TMEM52B: variants seen among roughly 807,000 people sequenced by gnomAD.
The protein encoded by TMEM52B is transmembrane protein 52B.
A neutral mutation model predicts 16.1 loss-of-function variants in TMEM52B; 11 were observed. The observed-to-expected ratio is 0.68, with a 90% confidence interval of 0.43 to 1.13. The LOEUF is 1.13. Among genes scored for constraint, TMEM52B ranks in the 50% most tolerant of loss-of-function variants. The pLI is 0.00. For missense variants in TMEM52B, 243 were observed against 230.4 expected, an observed-to-expected ratio of 1.05 and a Z score of -0.35; for synonymous variants, 101 against 93.8, an observed-to-expected ratio of 1.08 and a Z score of -0.45.
chr12:10,180,287 T>TTC (rs1406781135), intron 1 of TMEM52B, among the ~76,000 whole-genome samples: 12 of 151,822 alleles, frequency 7.9e-5, no homozygotes, highest in Admixed American at 2.0e-4. Flanking sequence ...TTTTTTTTTT[T>TTC]TTTTGCTAAT....
At chr12:10,182,375 A>G in intron 1 of TMEM52B, 175 bp from the exon 2 acceptor site, 1 of 985,430 alleles carries the variant, frequency 1.0e-6, no homozygotes, top group Non-Finnish European at 1.2e-6. Flanking sequence ...CCTCAAGTAC[A>G]AAAGCCAGCA....
chr12:10,175,489 A>G (rs1948759076), upstream of TMEM52B: 2 of 152,230 alleles, frequency 1.3e-5, no homozygotes, highest in African/African-American at 4.8e-5. Context: ...ATACTTTGAA[A>G]TAATAAAAGT....
At chr12:10,185,167 G>A (rs754646155) in intron 2 of TMEM52B, among the ~76,000 whole-genome samples, 163 bp from the exon 3 acceptor site, 3 of 152,116 alleles carry the variant, frequency 2.0e-5, no homozygotes, top group Non-Finnish European at 4.4e-5. Context: ...CATATCATTT[G>A]GCAAAAGATT....
At chr12:10,181,920 G>A (rs976363799) in intron 1 of TMEM52B, among the ~76,000 whole-genome samples, 20 of 149,856 alleles carry the variant, frequency 1.3e-4, no homozygotes, top group Non-Finnish European at 7.4e-5. Context: ...CCAGCTACTC[G>A]GGAGGCTGAG....
rs577492789 is a variant in TMEM52B at position 10,186,634 on chromosome 12, G to A, written c.307+45G>A. 127 of 1,504,032 alleles carry A rather than the reference G, an allele frequency of 8.4e-5. 1 individual carries two copies. In the South Asian group the frequency reaches 1.5e-3, roughly 18 times the overall value. The allele number at this position is 1,504,032 out of a possible 1,614,324, so 93.2% of individuals were successfully genotyped here. ...AACCTGGGAGGAGGACCCAATTTAAGGGAATAATGAAAAGGGTGCAAAGGT... is the reference window on the plus strand; with the variant it reads ...AACCTGGGAGGAGGACCCAATTTAAAGGAATAATGAAAAGGGTGCAAAGGT... On this transcript the variant is annotated intron_variant, in intron 4 of 4. Coordinates refer to ENST00000543484, the MANE Select transcript of TMEM52B (RefSeq NM_001384896.1).
At chr12:10,182,632 A>C in intron 2 of TMEM52B, 39 bp downstream of exon 2, 1 of 1,526,342 alleles carries the variant, frequency 6.6e-7, no homozygotes, top group African/African-American at 1.4e-5. Flanking sequence ...GGAGCAACAG[A>C]CCAAAACATC....
At chr12:10,174,564 C>T (rs1048570149), upstream of TMEM52B, among the ~76,000 whole-genome samples, 3 of 152,212 alleles carry the variant, frequency 2.0e-5, no homozygotes, top group African/African-American at 7.2e-5. Flanking sequence ...GACTGGAACT[C>T]AGCCATCAAC....
chr12:10,190,055 CA>C lies in TMEM52B; in HGVS notation c.468del (p.Pro157LeufsTer22). ...RFTVAMCGQK[A>X]PDLPPVPEEK... ...ACAGTAGCCATGTGCGGGCAGAAAG[CA>C]CCTGATCTACCCCCAGTACCTGAAG... is the stretch of plus-strand genomic sequence containing the variant. On this transcript the variant is annotated frameshift_variant, in exon 5 of 5. Transcript: ENST00000543484. LOFTEE classifies it low-confidence loss of function (END_TRUNC). 6.2e-7 allele frequency: 1 copy of C among 1,614,142 alleles called. No homozygotes were observed. The highest frequency in any genetic ancestry group is 8.5e-7 in the Non-Finnish European group (1 of 1,180,032).
chr12:10,174,090 C>T (rs144615021), upstream of TMEM52B, among the ~76,000 whole-genome samples: 1,634 of 152,120 alleles, frequency 0.011, 40 homozygotes, highest in African/African-American at 0.037. Context: ...GATGGAGTTT[C>T]ACCCTTGTTA....
rs191104702 is a variant in TMEM52B, at chr12:10,171,888, T to C, written c.-95+1037T>C. Reference sequence around the variant, plus strand: ...TTTTCTTTTAAGTAAATGGTATTAATTCTATTTTCCCATACTTGGGTGTTT... The same window carrying C: ...TTTTCTTTTAAGTAAATGGTATTAACTCTATTTTCCCATACTTGGGTGTTT... On this transcript the variant is annotated intron_variant, in intron 1 of 5. Transcript: ENST00000381923. The C allele has an allele frequency of 1.6e-3, 1,093 of 699,344 alleles. 2 individuals are homozygous for C. Among genetic ancestry groups the C allele is most frequent in the Non-Finnish European group, 1.9e-3 (769 of 402,698 alleles). The allele number at this position is 699,344 out of a possible 1,614,324, so 43.3% of individuals were successfully genotyped here. A position where few individuals can be genotyped will look rare whatever the true frequency, so the allele number is the denominator to read the frequency against.
intron 1 of TMEM52B, chr12:10,182,136 C>T: frequency 2.0e-6 from 2 of 984,510 alleles, no homozygotes; most frequent in African/African-American, 1.8e-5. Context: ...TTTTCCCCTT[C>T]TTCCTTTGTA....
chr12:10,183,461 G>GAA (rs144466074), intron 2 of TMEM52B, among the ~76,000 whole-genome samples: 6 of 146,530 alleles, frequency 4.1e-5, no homozygotes, highest in Non-Finnish European at 9.0e-5. Flanking sequence ...ATTGTTCAGT[G>GAA]AAAAACAAAA....
At chr12:10,183,267 C>A (rs778328329) in intron 2 of TMEM52B, among the ~76,000 whole-genome samples, 4 of 151,986 alleles carry the variant, frequency 2.6e-5, no homozygotes, top group Admixed American at 1.3e-4. Context: ...CTGTTAAACC[C>A]AGGGAAAGGG....
chr12:10,177,859 A>C (rs1948779245), upstream of TMEM52B, among the ~76,000 whole-genome samples: 1 of 151,164 alleles, frequency 6.6e-6, no homozygotes, highest in Non-Finnish European at 1.5e-5. Flanking sequence ...TCACCTACTT[A>C]AGTATAAATC....
chr12:10,185,238 C>G, intron 2 of TMEM52B, 92 bp from the exon 3 acceptor site: 3 of 883,948 alleles, frequency 3.4e-6, no homozygotes, highest in Non-Finnish European at 5.7e-6. Flanking sequence ...AACAAGGTAT[C>G]ACATCATATT....
chr12:10,189,248 C>T (rs1401746437), intron 4 of TMEM52B, among the ~76,000 whole-genome samples: 1 of 149,880 alleles, frequency 6.7e-6, no homozygotes, highest in East Asian at 2.0e-4. Context: ...ATAAATAATC[C>T]TAAGGAGTCT....
chr12:10,172,063 G>A, intron 1 of TMEM52B: 2 of 1,613,042 alleles, frequency 1.2e-6, no homozygotes, highest in Non-Finnish European at 1.7e-6. Context: ...GGATCTTTAG[G>A]TCATCAAAAG....
chr12:10,175,762 C>T (rs1396149097), upstream of TMEM52B, among the ~76,000 whole-genome samples: 1 of 152,202 alleles, frequency 6.6e-6, no homozygotes, highest in Non-Finnish European at 1.5e-5. Context: ...TTTTTGAAAT[C>T]AGGGCTGTGG....
chr12:10,177,437 C>T (rs1948774179), upstream of TMEM52B, among the ~76,000 whole-genome samples: 1 of 152,064 alleles, frequency 6.6e-6, no homozygotes, highest in Admixed American at 6.6e-5. Context: ...GTATGATCAG[C>T]TCACCCAAGA....
Sources: gnomAD v4.1 joint callset for allele counts (sites outside exome capture counted in the v4.1 genomes callset) on GRCh38, gnomAD v4.1.1 for gene constraint, MANE v1.5 for transcripts, NCBI Gene and HGNC (gene_info 2026-07-23, HGNC 2026-07-21) for gene names.